MSI2: variants seen among roughly 807,000 people sequenced by gnomAD.
The protein encoded by MSI2 is musashi RNA binding protein 2, also known as RNA-binding protein Musashi homolog 2.
In MSI2, 17 loss-of-function variants were observed where a neutral mutation model predicts 45.6. That is an observed-to-expected ratio of 0.37 (90% CI 0.26 to 0.56). The LOEUF (loss-of-function observed/expected upper bound fraction) is 0.56. MSI2 is among the 20% of genes least tolerant of loss of function. The pLI is 0.77. For missense variants in MSI2, 293 were observed against 444.2 expected, an observed-to-expected ratio of 0.66 and a Z score of 3.06; for synonymous variants, 156 against 158.2, an observed-to-expected ratio of 0.99 and a Z score of 0.11.
At chr17:57,450,670 C>CAAAA (rs58773765) in intron 6 of MSI2, among the ~76,000 whole-genome samples, 9 of 31,940 alleles carry the variant, frequency 2.8e-4, no homozygotes, top group African/African-American at 5.9e-4. Flanking sequence ...GACTGCATCT[C>CAAAA]AAAAAAAAAA....
At chr17:57,365,767 T>C (rs1401817539) in intron 5 of MSI2, among the ~76,000 whole-genome samples, 1 of 152,164 alleles carries the variant, frequency 6.6e-6, no homozygotes, top group Non-Finnish European at 1.5e-5. Flanking sequence ...CTTCCACATA[T>C]TGTGCACTTA....
chr17:57,577,128 G>A (rs1383483965), intron 7 of MSI2, among the ~76,000 whole-genome samples: 2 of 152,200 alleles, frequency 1.3e-5, no homozygotes, highest in African/African-American at 2.4e-5. Flanking sequence ...AGGTGGCTAC[G>A]TTAGATCTTG....
chr17:57,293,298 G>A (rs1169309411), intron 5 of MSI2, among the ~76,000 whole-genome samples: 1 of 152,060 alleles, frequency 6.6e-6, no homozygotes, highest in Non-Finnish European at 1.5e-5. Context: ...CCGGCTTGGA[G>A]TATGAAACCA....
intron 7 of MSI2, among the ~76,000 whole-genome samples, chr17:57,539,694 C>T (rs900425317): frequency 7.8e-6 from 1 of 128,526 alleles, no homozygotes; most frequent in African/African-American, 3.0e-5. Flanking sequence ...AGTTTCTGCT[C>T]TTCCCAGACA....
chr17:57,550,149 G>T (rs191825340), intron 7 of MSI2, among the ~76,000 whole-genome samples: 1 of 152,322 alleles, frequency 6.6e-6, no homozygotes, highest in Admixed American at 6.5e-5. Context: ...AGCTGCCGAA[G>T]ACAAACGCCC....
intron 5 of MSI2, among the ~76,000 whole-genome samples, chr17:57,298,103 A>G (rs1911141173): frequency 6.6e-6 from 1 of 151,822 alleles, no homozygotes; most frequent in Non-Finnish European, 1.5e-5. Flanking sequence ...AGAGTGGTGA[A>G]TGCTTTCCAG....
At chr17:57,671,526 G>A (rs1466363003) in intron 11 of MSI2, 2 of 152,276 alleles carry the variant, frequency 1.3e-5, no homozygotes, top group East Asian at 3.9e-4. Context: ...CGCTTAGAAG[G>A]ATCACTGAGA....
At chr17:57,311,834 C>T (rs1912428177) in intron 5 of MSI2, among the ~76,000 whole-genome samples, 1 of 152,142 alleles carries the variant, frequency 6.6e-6, no homozygotes, top group Non-Finnish European at 1.5e-5. Context: ...GGGACTAATG[C>T]AACCACACCT....
chr17:57,596,522 G>A lies in MSI2; in HGVS notation c.455-346G>A, dbSNP rs76713176. 2.2e-4 allele frequency among the ~76,000 whole-genome samples: 33 copies of A among 152,334 alleles called. No individual in the cohort carries two copies. Among genetic ancestry groups the A allele is most frequent in the African/African-American group, 7.2e-4 (30 of 41,586 alleles). Reference sequence around the variant, plus strand: ...CAAGCGTGGCCCCGCAGTGATCCACGAGGCTCTGGTTAGCCCACCCGCCTG... The same window carrying A: ...CAAGCGTGGCCCCGCAGTGATCCACAAGGCTCTGGTTAGCCCACCCGCCTG... On this transcript the variant is annotated intron_variant, in intron 7 of 13. Coordinates refer to ENST00000284073, the MANE Select transcript of MSI2 (RefSeq NM_138962.4). The surrounding 1 kb of genome is among the most constrained non-coding windows in gnomAD (Gnocchi z 4.6).
At chr17:57,575,147 T>TCCCCCCCCCCCC (rs371180511) in intron 7 of MSI2, among the ~76,000 whole-genome samples, 40 of 119,536 alleles carry the variant, frequency 3.3e-4, no homozygotes, top group South Asian at 5.5e-4. Flanking sequence ...CTTTTTTAAC[T>TCCCCCCCCCCCC]CCCTCCCCCC....
intron 11 of MSI2, among the ~76,000 whole-genome samples, chr17:57,663,061 G>A (rs948490608): frequency 5.3e-5 from 8 of 152,198 alleles, no homozygotes; most frequent in Non-Finnish European, 8.8e-5. Context: ...ATTTTTTCCT[G>A]TGGGCTGCGA....
chr17:57,404,311 T>A (rs1228345844), intron 6 of MSI2, among the ~76,000 whole-genome samples: 1 of 152,164 alleles, frequency 6.6e-6, no homozygotes, highest in African/African-American at 2.4e-5. Flanking sequence ...TGCCAACTGC[T>A]GATCAGTCCC....
the MSI2 span, among the ~76,000 whole-genome samples, chr17:57,695,995 C>T: frequency 1.3e-5 from 2 of 152,168 alleles, no homozygotes; most frequent in African/African-American, 4.8e-5. Context: ...ACTCTTATGA[C>T]CTCATTAACC....
At chr17:57,618,124 T>G (rs186117456) in intron 9 of MSI2, 1 of 150,396 alleles carries the variant, frequency 6.6e-6, no homozygotes, top group African/African-American at 2.4e-5. Context: ...TGTGGTGGCG[T>G]GCACCTATGG....
intron 7 of MSI2, among the ~76,000 whole-genome samples, chr17:57,549,355 A>G (rs537533487): frequency 4.2e-5 from 6 of 144,514 alleles, no homozygotes; most frequent in African/African-American, 1.1e-4. Context: ...TTAGTTGCAC[A>G]GTGCCCAGCA....
intron 5 of MSI2, among the ~76,000 whole-genome samples, chr17:57,312,163 T>C (rs1395703058): frequency 6.6e-6 from 1 of 152,196 alleles, no homozygotes; most frequent in Non-Finnish European, 1.5e-5. Flanking sequence ...CAGAGAGTTA[T>C]GGAGAGTGCA....
At chr17:57,439,893 G>A (rs1251757766) in intron 6 of MSI2, among the ~76,000 whole-genome samples, 1 of 152,068 alleles carries the variant, frequency 6.6e-6, no homozygotes, top group African/African-American at 2.4e-5. Context: ...AAACAATGAA[G>A]AGAATTGAGA....
In MSI2 at chr17:57,612,296, A is replaced by G. The variant is rs148003597; in HGVS notation, c.538-3674A>G. Among the ~76,000 whole-genome samples, 798 of 94,160 alleles carry G rather than the reference A, an allele frequency of 8.5e-3. 288 individuals are homozygous for G. The highest frequency in any genetic ancestry group is 0.046 in the South Asian group (115 of 2,496). The allele number at this position is 94,160 out of a possible 152,430, so 61.8% of individuals were successfully genotyped here. A position where few individuals can be genotyped will look rare whatever the true frequency, so the allele number is the denominator to read the frequency against. On this transcript the variant is annotated intron_variant, in intron 8 of 13. Coordinates refer to ENST00000284073, the MANE Select transcript of MSI2 (RefSeq NM_138962.4). The stretch of plus-strand genomic sequence containing the variant: ...AGAGAGGTGGAGGCTTTCCTTATTT[A>G]TCTTTGGGTCCCCAAAGCCTAGCAC...
At chr17:57,599,704 G>C (rs1277039412) in intron 8 of MSI2, among the ~76,000 whole-genome samples, 1 of 152,224 alleles carries the variant, frequency 6.6e-6, no homozygotes, top group Non-Finnish European at 1.5e-5. Context: ...CTTTGGAGGT[G>C]TTGGTCCACG....
Sources: allele counts gnomAD v4.1 joint callset (sites outside exome capture counted in the v4.1 genomes callset), GRCh38; gene constraint gnomAD v4.1.1; non-coding constraint Gnocchi (gnomAD v3.1); transcripts MANE v1.5; gene names NCBI Gene and HGNC (gene_info 2026-07-23, HGNC 2026-07-21).